Variants in PASD1 observed in about 807,000 individuals in gnomAD.
PASD1 encodes PAS domain containing repressor 1, also known as circadian clock protein PASD1.
PASD1 carries 13 observed loss-of-function variants against 58.8 expected under a neutral mutation model. That is an observed-to-expected ratio of 0.22 (90% CI 0.14 to 0.35). PASD1 has a LOEUF of 0.35. PASD1 is among the 10% of genes least tolerant of loss of function. The probability of loss-of-function intolerance (pLI) is 1.00; values close to 1 mark genes in which losing one functional copy is unlikely to be tolerated. For synonymous variants in PASD1, 236 were observed against 216.7 expected, an observed-to-expected ratio of 1.09 and a Z score of -0.78; for missense variants, 734 against 568.3, an observed-to-expected ratio of 1.29 and a Z score of -2.96.
chrX:151,581,819 A>G (rs2013098373), intron 1 of PASD1, among the ~76,000 whole-genome samples: 1 of 109,991 alleles, frequency 9.1e-6, no homozygotes, highest in East Asian at 2.9e-4. Context: ...GGCCATGAAC[A>G]GCCAGCTCTG....
At chrX:151,656,531 C>T (rs1206480787) in intron 9 of PASD1, among the ~76,000 whole-genome samples, 1 of 111,218 alleles carries the variant, frequency 9.0e-6, no homozygotes, top group African/African-American at 3.3e-5. Flanking sequence ...TTTTTTATTT[C>T]GTTGAGCAGT....
At chrX:151,607,173 T>C (rs373752012) in intron 3 of PASD1, among the ~76,000 whole-genome samples, 5 of 112,075 alleles carry the variant, frequency 4.5e-5, no homozygotes, top group African/African-American at 1.6e-4. Flanking sequence ...CTAAGTGATA[T>C]GTTGTTTTCT....
Position 151,656,284 on chromosome X carries a change from A to G in PASD1, c.718-3429A>G, listed in dbSNP as rs1371665826. Among the ~76,000 whole-genome samples, 7 of 111,944 alleles carry G rather than the reference A, an allele frequency of 6.3e-5. No individual in the cohort carries two copies. In the East Asian group the frequency reaches 2.0e-3, roughly 31 times the overall value. ...CTTGTGGTATAGTTTGAAGTCAGGT[A>G]GCATGATGCCTCCAGCTTTGTTCTT... On this transcript the variant is annotated intron_variant, in intron 9 of 15. Coordinates refer to ENST00000370357, the MANE Select transcript of PASD1 (RefSeq NM_173493.3).
intron 1 of PASD1, among the ~76,000 whole-genome samples, chrX:151,596,789 G>A (rs1477914010): frequency 9.0e-6 from 1 of 111,458 alleles, no homozygotes; most frequent in Non-Finnish European, 1.9e-5. Flanking sequence ...TTCCTTTAAT[G>A]TTCTACCTTT....
intron 4 of PASD1, among the ~76,000 whole-genome samples, chrX:151,616,243 A>G (rs779631690): frequency 8.1e-5 from 9 of 111,401 alleles, no homozygotes; most frequent in Non-Finnish European, 3.8e-5. Flanking sequence ...AGGGGCAGGC[A>G]TGGAAGTACA....
chrX:151,599,674 C>T (rs143084276), intron 1 of PASD1, among the ~76,000 whole-genome samples: 1,012 of 99,886 alleles, frequency 0.01, 17 homozygotes, highest in African/African-American at 0.037. Context: ...ACGGGGCAGA[C>T]GGGCAGAGGC....
chrX:151,571,184 T>G (rs1257845181), intron 1 of PASD1, among the ~76,000 whole-genome samples: 2 of 112,317 alleles, frequency 1.8e-5, no homozygotes, highest in African/African-American at 6.5e-5. Flanking sequence ...CTTAAGACAT[T>G]ACTTGGGAAG....
At chrX:151,645,074 C>G (rs779427887) in intron 8 of PASD1, among the ~76,000 whole-genome samples, 1 of 111,573 alleles carries the variant, frequency 9.0e-6, no homozygotes, top group Admixed American at 9.6e-5. Flanking sequence ...TGATCCTTGA[C>G]TCAAGATTTT....
chrX:151,619,151 C>T (rs12559522), intron 4 of PASD1, among the ~76,000 whole-genome samples: 35,198 of 109,414 alleles, frequency 0.32, 4,502 homozygotes, highest in Non-Finnish European at 0.4. Flanking sequence ...GTGAACTGAG[C>T]CTGTATGTGT....
At position 151,648,608 on chromosome X, in the gene PASD1, T is replaced by C; in HGVS notation, c.630-7T>C. On this transcript the variant is annotated splice_region_variant and splice_polypyrimidine_tract_variant and intron_variant, in intron 8 of 15. Coordinates refer to ENST00000370357, the MANE Select transcript of PASD1 (RefSeq NM_173493.3). ...TGCTTACCATCTCTCTTTTTTCCTATTTATAGTAGCTCTCAAGGTCAAAGA... is the reference window on the plus strand; with the variant it reads ...TGCTTACCATCTCTCTTTTTTCCTACTTATAGTAGCTCTCAAGGTCAAAGA... The C allele has an allele frequency of 5.8e-6, 7 of 1,207,265 alleles. No homozygotes were observed. Among genetic ancestry groups the C allele is most frequent in the Non-Finnish European group, 7.8e-6 (7 of 891,755 alleles).
chrX:151,661,398 T>G (rs1200883894), intron 10 of PASD1, among the ~76,000 whole-genome samples: 1 of 111,468 alleles, frequency 9.0e-6, no homozygotes, highest in Non-Finnish European at 1.9e-5. Context: ...AGTGACGGAG[T>G]GGTTCATTCT....
At chrX:151,568,117 G>A (rs1277008912) in intron 1 of PASD1, among the ~76,000 whole-genome samples, 1 of 112,159 alleles carries the variant, frequency 8.9e-6, no homozygotes, top group Non-Finnish European at 1.9e-5. Context: ...TTTATCAAGG[G>A]CTTAAGATGT....
chrX:151,628,983 C>T (rs1172190903), intron 8 of PASD1, among the ~76,000 whole-genome samples: 2 of 111,665 alleles, frequency 1.8e-5, no homozygotes, highest in Non-Finnish European at 1.9e-5. Context: ...CATGATTTGG[C>T]TCTCTGTTTG....
intron 1 of PASD1, among the ~76,000 whole-genome samples, chrX:151,596,419 C>G (rs976456758): frequency 8.9e-6 from 1 of 111,909 alleles, no homozygotes; most frequent in Non-Finnish European, 1.9e-5. Context: ...TGAGAACTCA[C>G]GACCAGGAGA....
Position 151,676,365 on chromosome X carries a change from CT to C in PASD1, c.*223del. 1 of 336,658 alleles carries C rather than the reference CT, an allele frequency of 3.0e-6. No homozygotes were observed. The highest frequency in any genetic ancestry group is 1.2e-4 in the South Asian group (1 of 8,230). The allele number at this position is 336,658 out of a possible 1,213,427, so 27.7% of individuals were successfully genotyped here. A position where few individuals can be genotyped will look rare whatever the true frequency, so the allele number is the denominator to read the frequency against. On this transcript the variant is annotated 3_prime_UTR_variant, in exon 16 of 16. Transcript: ENST00000370357. Reference sequence around the variant, plus strand: ...GAGGCAGCCTGTGATCCGTAGTATGCTAGGGTGTGACAGCAGCCAGCCACAG... The same window carrying C: ...GAGGCAGCCTGTGATCCGTAGTATGCAGGGTGTGACAGCAGCCAGCCACAG...
chrX:151,617,536 A>G (rs1310797282), intron 4 of PASD1, among the ~76,000 whole-genome samples: 6 of 112,084 alleles, frequency 5.4e-5, no homozygotes, highest in African/African-American at 1.9e-4. Context: ...ACTCTACATC[A>G]TAATTGATTG....
rs375589752 is a variant in PASD1 at position 151,676,177 on chromosome X, G to T, written c.*34G>T. ...TCATGACCAGTGATGAGGGGAAATG[G>T]GGGGAGGGGGCAGGCCAATGAGGTC... On this transcript the variant is annotated 3_prime_UTR_variant, in exon 16 of 16. Coordinates refer to ENST00000370357, the MANE Select transcript of PASD1 (RefSeq NM_173493.3). The T allele has an allele frequency of 3.4e-6, 4 of 1,188,144 alleles. No homozygotes were observed. In the African/African-American group the frequency reaches 5.3e-5, roughly 16 times the overall value.
At chrX:151,653,211 A>G (rs1217829178) in intron 9 of PASD1, among the ~76,000 whole-genome samples, 1 of 99,642 alleles carries the variant, frequency 1.0e-5, no homozygotes, top group Non-Finnish European at 2.0e-5. Flanking sequence ...TTTTTTTTTG[A>G]GATAAAGTTT....
chrX:151,656,458 A>T (rs2014243116), intron 9 of PASD1, among the ~76,000 whole-genome samples: 1 of 111,523 alleles, frequency 9.0e-6, no homozygotes, highest in Non-Finnish European at 1.9e-5. Flanking sequence ...CAGTGTGGCC[A>T]TTTTCACAAT....
Sources: allele counts gnomAD v4.1 joint callset (sites outside exome capture counted in the v4.1 genomes callset), GRCh38; gene constraint gnomAD v4.1.1; transcripts MANE v1.5; gene names NCBI Gene and HGNC (gene_info 2026-07-23, HGNC 2026-07-21).